Variants in EMC8 observed in about 807,000 individuals in gnomAD.
The protein encoded by EMC8 is COX4 neighbor.
A neutral mutation model predicts 24.3 loss-of-function variants in EMC8; 11 were observed. The observed-to-expected ratio is 0.45, with a 90% CI of 0.28 to 0.75. The LOEUF (loss-of-function observed/expected upper bound fraction) is 0.75, where lower values mean the gene tolerates loss of function less well. Ranked by LOEUF, EMC8 falls within the 30% of genes least tolerant of loss-of-function variation. The pLI is 0.12. For synonymous variants in EMC8, 145 were observed against 117.7 expected, an observed-to-expected ratio of 1.23 and a Z score of -1.50; for missense variants, 277 against 282.7, an observed-to-expected ratio of 0.98 and a Z score of 0.14.
At chr16:85,795,224 C>A (rs1448642891) in intron 1 of EMC8, among the ~76,000 whole-genome samples, 1 of 151,502 alleles carries the variant, frequency 6.6e-6, no homozygotes, top group Non-Finnish European at 1.5e-5. Context: ...TCAAGTTTGT[C>A]TTCAAGAAGC....
chr16:85,786,019 A>G (rs746102942), intron 2 of EMC8, among the ~76,000 whole-genome samples: 10 of 152,240 alleles, frequency 6.6e-5, no homozygotes, highest in Non-Finnish European at 1.2e-4. Context: ...AAATTCATAA[A>G]AGTTATAAAC....
intron 1 of EMC8, among the ~76,000 whole-genome samples, chr16:85,797,271 G>A (rs62050605): frequency 7.2e-5 from 11 of 152,178 alleles, no homozygotes; most frequent in African/African-American, 1.2e-4. Flanking sequence ...AGCTGGGTGT[G>A]GTGGTGGACG....
chr16:85,791,561 G>A (rs117271249), intron 1 of EMC8, among the ~76,000 whole-genome samples: 7,352 of 152,226 alleles, frequency 0.048, 300 homozygotes, highest in Non-Finnish European at 0.066. Context: ...GACAACATGC[G>A]GTGTTTGGTT....
intron 1 of EMC8, among the ~76,000 whole-genome samples, chr16:85,794,867 G>A (rs1021238107): frequency 3.9e-5 from 6 of 152,298 alleles, no homozygotes; most frequent in Admixed American, 1.3e-4. Flanking sequence ...GGAATGAGGC[G>A]CGGGAGCAAG....
chr16:85,784,439 T>C (rs377505797), intron 2 of EMC8: 2 of 152,254 alleles, frequency 1.3e-5, no homozygotes, highest in South Asian at 4.1e-4. Context: ...TTATTTTATA[T>C]GATTATTGTA....
intron 1 of EMC8, among the ~76,000 whole-genome samples, chr16:85,795,454 G>C (rs1905208747): frequency 6.6e-6 from 1 of 152,182 alleles, no homozygotes; most frequent in African/African-American, 2.4e-5. Flanking sequence ...TAGAATGCCA[G>C]GTGCGTGAGC....
At chr16:85,794,468 T>C (rs1905160022) in intron 1 of EMC8, among the ~76,000 whole-genome samples, 1 of 152,178 alleles carries the variant, frequency 6.6e-6, no homozygotes, top group South Asian at 2.1e-4. Flanking sequence ...GCGAGCGGAC[T>C]GCCTGAGCTC....
intron 1 of EMC8, 97 bp downstream of exon 1, chr16:85,798,968 G>A: frequency 2.4e-6 from 2 of 845,886 alleles, no homozygotes; most frequent in South Asian, 1.7e-5. Flanking sequence ...CGGGTCCTAG[G>A]AGCCTGCTGG....
intron 1 of EMC8, among the ~76,000 whole-genome samples, chr16:85,791,512 CCT>C (rs1277780838): frequency 1.3e-5 from 2 of 152,192 alleles, no homozygotes. Context: ...TGTTCCCCTC[CCT>C]GTGTCCATGT....
chr16:85,798,436 T>C (rs1873786033), intron 1 of EMC8, among the ~76,000 whole-genome samples: 3 of 152,248 alleles, frequency 2.0e-5, no homozygotes, highest in African/African-American at 7.2e-5. Flanking sequence ...AGAAATTCTT[T>C]AGCTTTTAAA....
chr16:85,781,603 GTTTTTTTTTGCTT>G (rs1904503006), intron 2 of EMC8: 1 of 110,846 alleles, frequency 9.0e-6, no homozygotes, highest in Non-Finnish European at 1.8e-5. Context: ...ACTTTTTAGT[GTTTTTTTTTGCTT>G]TTTTTTTTTT....
chr16:85,780,935 G>A (rs1047116634), intron 3 of EMC8: 1 of 518,986 alleles, frequency 1.9e-6, no homozygotes, highest in Non-Finnish European at 3.5e-6. Flanking sequence ...AGTGGGGTCT[G>A]GGGTGGGTGC....
rs1301632121 is a variant in EMC8 at position 85,780,380 on chromosome 16, G to T, written c.472C>A (p.His158Asn). Residue 158 changes from histidine to asparagine, a missense_variant and splice_region_variant, in exon 4 of 5, where the codon CAT becomes AAT. His to Asn is a moderately conservative substitution (Grantham distance 68). Transcript: ENST00000253457. ...CGCGGCAGCATGGGGCGCACTCACTGGTGTGGGTCTCTGCACCGCCATCTG... is the reference window on the plus strand; with the variant it reads ...CGCGGCAGCATGGGGCGCACTCACTTGTGTGGGTCTCTGCACCGCCATCTG... ...ENRWRCRDPHHDYCEDWPEAQ... is the reference protein window; with the variant it reads ...ENRWRCRDPHNDYCEDWPEAQ... 1 of 1,612,956 alleles carries T rather than the reference G, an allele frequency of 6.2e-7. No homozygotes were observed.
rs993964315 is a variant in EMC8 at position 85,799,189 on chromosome 16, T to C, written c.107A>G (p.Lys36Arg). 6.2e-7 allele frequency: 1 copy of C among 1,613,132 alleles called. No homozygotes were observed. The highest frequency in any genetic ancestry group is 8.5e-7 in the Non-Finnish European group (1 of 1,179,730). ...CAGGGGGAGGTGCTCCTTACGCGGC[T>C]TCTGCTTCTCGGCCACCAGGAGCCC... is the stretch of plus-strand genomic sequence containing the variant. ...VNGLLVAEKQ[K>R]PRKEHLPLGG... is the part of the protein sequence containing the mutation. Residue 36 changes from lysine (K) to arginine (R), a missense_variant, in exon 1 of 5, where the codon AAG (lysine) becomes AGG (arginine). By Grantham distance (26) the Lys-to-Arg change is conservative. Coordinates refer to ENST00000253457, the MANE Select transcript of EMC8 (RefSeq NM_006067.5). The surrounding 1 kb of genome is among the most constrained non-coding windows in gnomAD (Gnocchi z 4.2).
chr16:85,783,172 G>A (rs1176125667), intron 2 of EMC8, among the ~76,000 whole-genome samples: 2 of 152,136 alleles, frequency 1.3e-5, no homozygotes, highest in Non-Finnish European at 2.9e-5. Flanking sequence ...GTGTGGTGAT[G>A]CACATCTGTA....
At chr16:85,788,344 C>T (rs930876123) in intron 2 of EMC8, among the ~76,000 whole-genome samples, 4 of 152,250 alleles carry the variant, frequency 2.6e-5, no homozygotes, top group Non-Finnish European at 5.9e-5. Flanking sequence ...ACCCCCTGTG[C>T]GTTATCTACG....
In EMC8 at chr16:85,778,769, C is replaced by T. The variant is rs1165073123; in HGVS notation, c.*939G>A. ...TTCCTCCATGGAGTCAAAGAAAAGACAGTAGGAAAGGTACCGCTCTCTGAA... is the reference window on the plus strand; with the variant it reads ...TTCCTCCATGGAGTCAAAGAAAAGATAGTAGGAAAGGTACCGCTCTCTGAA... On this transcript the variant is annotated 3_prime_UTR_variant, in exon 5 of 5. Transcript: ENST00000253457. 6.6e-6 allele frequency: 1 copy of T among 152,132 alleles called. No individual in the cohort carries two copies. The highest frequency in any genetic ancestry group is 6.6e-5 in the Admixed American group (1 of 15,266). The allele number at this position is 152,132 out of a possible 1,614,324, so 9.4% of individuals were successfully genotyped here.
At chr16:85,787,046 G>C (rs1449102458) in intron 2 of EMC8, among the ~76,000 whole-genome samples, 1 of 152,134 alleles carries the variant, frequency 6.6e-6, no homozygotes, top group Non-Finnish European at 1.5e-5. Flanking sequence ...GCTTGGTCCA[G>C]GAACACCTTC....
At chr16:85,789,117 A>G in intron 1 of EMC8, 67 bp from the exon 2 acceptor site, 2 of 979,348 alleles carry the variant, frequency 2.0e-6, no homozygotes, top group Non-Finnish European at 3.3e-6. Flanking sequence ...CGTAAAAACC[A>G]CAGATCTCAC....
Sources: allele counts gnomAD v4.1 joint callset (sites outside exome capture counted in the v4.1 genomes callset), GRCh38; gene constraint gnomAD v4.1.1; non-coding constraint Gnocchi (gnomAD v3.1); transcripts MANE v1.5; gene names NCBI Gene and HGNC (gene_info 2026-07-23, HGNC 2026-07-21).